NARS2: variants seen among roughly 807,000 people sequenced by gnomAD.
The protein encoded by NARS2 is asparaginyl-tRNA synthetase.
NARS2 carries 60 observed loss-of-function variants against 62.9 expected under a neutral mutation model. The ratio of observed to expected loss-of-function variants is 0.95; its 90% CI spans 0.77 to 1.18. The LOEUF is 1.18. NARS2 is among the 50% of genes most tolerant of loss of function. The pLI is 0.00. For missense variants in NARS2, 619 were observed against 576.4 expected (o/e 1.07, Z -0.76); for synonymous variants, 196 against 200.0 (o/e 0.98, Z 0.17).
chr11:78,489,652 A>C (rs1444229866), intron 7 of NARS2, among the ~76,000 whole-genome samples: 1 of 152,190 alleles, frequency 6.6e-6, no homozygotes, highest in East Asian at 1.9e-4. Context: ...CTGGATACCA[A>C]AAGATAACTC....
chr11:78,478,136 A>G (rs1196268691), intron 9 of NARS2, among the ~76,000 whole-genome samples: 3 of 152,096 alleles, frequency 2.0e-5, no homozygotes, highest in East Asian at 1.9e-4. Context: ...TAAAGTTAGT[A>G]TAAGTTTGAA....
chr11:78,451,841 G>T (rs1286007232), intron 11 of NARS2, among the ~76,000 whole-genome samples: 1 of 152,120 alleles, frequency 6.6e-6, no homozygotes, highest in Non-Finnish European at 1.5e-5. Context: ...ATTCCAGTGT[G>T]CTTTTAGAGT....
At chr11:78,454,127 G>A (rs1858067903) in intron 11 of NARS2, among the ~76,000 whole-genome samples, 1 of 152,074 alleles carries the variant, frequency 6.6e-6, no homozygotes, top group Admixed American at 6.6e-5. Flanking sequence ...CTTGAGAGAG[G>A]ACAACATTTC....
chr11:78,462,803 G>T (rs1160416984), intron 11 of NARS2, among the ~76,000 whole-genome samples: 1 of 152,010 alleles, frequency 6.6e-6, no homozygotes, highest in Non-Finnish European at 1.5e-5. Context: ...TGAAAAAACA[G>T]GAAATACAGT....
intron 5 of NARS2, among the ~76,000 whole-genome samples, chr11:78,549,167 G>A (rs529130619): frequency 2.6e-5 from 4 of 152,358 alleles, no homozygotes; most frequent in African/African-American, 9.6e-5. Context: ...GCATGGTGCT[G>A]CTGAGAACAC....
intron 5 of NARS2, among the ~76,000 whole-genome samples, chr11:78,534,989 A>G (rs901326663): frequency 1.3e-5 from 2 of 152,232 alleles, no homozygotes; most frequent in Admixed American, 6.5e-5. Context: ...AATACAGTAT[A>G]TTAGTGGTAC....
In NARS2 at chr11:78,449,476, C is replaced by T. The variant is rs75928590; in HGVS notation, c.1165-5718G>A. Reference sequence around the variant, plus strand: ...ACCTTATACCATGGTAGGATAGCTACGTTAAAAAAAAAAATTTTTTTTTCT... The same window carrying T: ...ACCTTATACCATGGTAGGATAGCTATGTTAAAAAAAAAAATTTTTTTTTCT... On this transcript the variant is annotated intron_variant, in intron 11 of 13. Transcript: ENST00000281038. 7.0e-4 allele frequency among the ~76,000 whole-genome samples: 106 copies of T among 151,588 alleles called. No homozygotes were observed. In the East Asian group the frequency reaches 0.017, roughly 25 times the overall value.
intron 5 of NARS2, among the ~76,000 whole-genome samples, chr11:78,536,365 G>C (rs942560498): frequency 6.6e-6 from 1 of 152,172 alleles, no homozygotes; most frequent in African/African-American, 2.4e-5. Context: ...TCTAGAAGAA[G>C]GCATTGCCAT....
intron 5 of NARS2, among the ~76,000 whole-genome samples, chr11:78,539,058 T>C (rs749910369): frequency 4.3e-5 from 6 of 138,094 alleles, no homozygotes; most frequent in Non-Finnish European, 9.3e-5. Flanking sequence ...AGAAATCAGA[T>C]TATGGGTCCT....
rs1273022195 is a variant in NARS2, at chr11:78,521,739, G to A, written c.689+7103C>T. Among the ~76,000 whole-genome samples the A allele has an allele frequency of 1.8e-3, 242 of 131,836 alleles. 1 individual carries two copies. Among genetic ancestry groups the A allele is most frequent in the African/African-American group, 6.5e-3 (218 of 33,392 alleles). The allele number at this position is 131,836 out of a possible 152,430, so 86.5% of individuals were successfully genotyped here. A position where few individuals can be genotyped will look rare whatever the true frequency, so the allele number is the denominator to read the frequency against. ...CGGGAGGCGGAGCTTGCAGTGAGCC[G>A]AGATCCCGCCACTGCACTCCAGCCT... is the stretch of plus-strand genomic sequence containing the variant. On this transcript the variant is annotated intron_variant, in intron 6 of 13. Transcript: ENST00000281038.
chr11:78,570,769 T>C (rs573469044), intron 2 of NARS2, among the ~76,000 whole-genome samples: 135 of 152,366 alleles, frequency 8.9e-4, no homozygotes, highest in African/African-American at 3.2e-3. Context: ...GTCAGCACTA[T>C]GCTAGAGGCC....
intron 5 of NARS2, among the ~76,000 whole-genome samples, chr11:78,557,941 T>C (rs935203739): frequency 6.6e-6 from 1 of 151,712 alleles, no homozygotes; most frequent in African/African-American, 2.4e-5. Context: ...TTAAAAACTT[T>C]TTTACTTGTT....
chr11:78,510,751 A>G (rs1356356575), intron 6 of NARS2, among the ~76,000 whole-genome samples: 1 of 152,242 alleles, frequency 6.6e-6, no homozygotes, highest in African/African-American at 2.4e-5. Context: ...ACTGAACTAC[A>G]TACTTAAAAT....
chr11:78,439,387 A>G (rs973808955), intron 13 of NARS2, among the ~76,000 whole-genome samples: 3 of 152,104 alleles, frequency 2.0e-5, no homozygotes, highest in Admixed American at 6.6e-5. Flanking sequence ...TTTTAAGGCT[A>G]GTTTTTACAA....
At chr11:78,522,587 T>C (rs1002319420) in intron 6 of NARS2, among the ~76,000 whole-genome samples, 3 of 152,154 alleles carry the variant, frequency 2.0e-5, no homozygotes, top group African/African-American at 4.8e-5. Flanking sequence ...CTGAAGCAAG[T>C]ATTTTATAAA....
At chr11:78,447,749 G>C (rs1206813160) in intron 11 of NARS2, among the ~76,000 whole-genome samples, 1 of 152,096 alleles carries the variant, frequency 6.6e-6, no homozygotes, top group East Asian at 1.9e-4. Context: ...GCCAACCACA[G>C]AAAGACAAAT....
chr11:78,495,667 C>T (rs537499599), intron 6 of NARS2, among the ~76,000 whole-genome samples: 4 of 152,196 alleles, frequency 2.6e-5, no homozygotes, highest in East Asian at 3.9e-4. Flanking sequence ...TCCTCACAAA[C>T]GGTAACATTA....
intron 9 of NARS2, among the ~76,000 whole-genome samples, chr11:78,477,862 G>A (rs540233364): frequency 6.6e-6 from 1 of 151,990 alleles, no homozygotes; most frequent in African/African-American, 2.4e-5. Context: ...GACTTTAAAT[G>A]CAACAAGCAT....
At chr11:78,488,637 T>C (rs1367188905) in intron 7 of NARS2, among the ~76,000 whole-genome samples, 1 of 152,100 alleles carries the variant, frequency 6.6e-6, no homozygotes, top group Non-Finnish European at 1.5e-5. Flanking sequence ...ATAGCAGCAA[T>C]AGGAAATTAA....
Sources: allele counts gnomAD v4.1 joint callset (sites outside exome capture counted in the v4.1 genomes callset), GRCh38; gene constraint gnomAD v4.1.1; transcripts MANE v1.5; gene names NCBI Gene and HGNC (gene_info 2026-07-23, HGNC 2026-07-21).